The following THRB variants were observed in gnomAD, a reference collection of about 807,000 sequenced individuals.
THRB encodes thyroid hormone receptor beta.
THRB carries 12 observed loss-of-function variants against 47.8 expected under a neutral mutation model. The observed-to-expected ratio is 0.25, with a 90% CI of 0.16 to 0.41. The LOEUF is 0.41. Among genes scored for constraint, THRB ranks in the 10% least tolerant of loss-of-function variants. The pLI is 1.00. For synonymous variants in THRB, 218 were observed against 212.2 expected, an observed-to-expected ratio of 1.03 and a Z score of -0.24; for missense variants, 348 against 589.2, an observed-to-expected ratio of 0.59 and a Z score of 4.24.
chr3:24,229,817 A>G (rs2048067457), intron 3 of THRB, among the ~76,000 whole-genome samples: 1 of 152,196 alleles, frequency 6.6e-6, no homozygotes, highest in Non-Finnish European at 1.5e-5. Flanking sequence ...GGCCAGTGGT[A>G]GATGGTGGTA....
intron 1 of THRB, among the ~76,000 whole-genome samples, chr3:24,351,775 C>G (rs1436130249): frequency 6.6e-6 from 1 of 152,172 alleles, no homozygotes; most frequent in African/African-American, 2.4e-5. Flanking sequence ...ACAGACACTT[C>G]CTGTCCCACC....
intron 4 of THRB, among the ~76,000 whole-genome samples, chr3:24,222,532 A>T (rs1042191499): frequency 9.2e-5 from 14 of 152,130 alleles, no homozygotes; most frequent in African/African-American, 2.9e-4. Context: ...GAGGGAGAAG[A>T]GGATGTGAGG....
chr3:24,253,349 C>T (rs1462797109), intron 3 of THRB, among the ~76,000 whole-genome samples: 3 of 152,168 alleles, frequency 2.0e-5, no homozygotes, highest in African/African-American at 4.8e-5. Flanking sequence ...AGATAGGCAT[C>T]AAGTGCCAGC....
chr3:24,229,406 A>G (rs1195556729), intron 3 of THRB, among the ~76,000 whole-genome samples: 2 of 152,188 alleles, frequency 1.3e-5, no homozygotes, highest in Non-Finnish European at 2.9e-5. Flanking sequence ...CTTGTGAGAA[A>G]TAGAAAATTT....
intron 1 of THRB, among the ~76,000 whole-genome samples, chr3:24,351,098 T>G (rs1044756426): frequency 6.6e-6 from 1 of 152,082 alleles, no homozygotes; most frequent in African/African-American, 2.4e-5. Flanking sequence ...TAGCAGAAAT[T>G]TTTTTCTTGT....
chr3:24,352,194 C>G (rs1205478671), intron 1 of THRB, among the ~76,000 whole-genome samples: 1 of 152,166 alleles, frequency 6.6e-6, no homozygotes, highest in Non-Finnish European at 1.5e-5. Flanking sequence ...CTTTCTAACA[C>G]AGGAACAAAT....
chr3:24,354,184 T>C (rs943845480), intron 1 of THRB, among the ~76,000 whole-genome samples: 1 of 152,096 alleles, frequency 6.6e-6, no homozygotes, highest in Non-Finnish European at 1.5e-5. Flanking sequence ...TGAAAATACA[T>C]GGACACATAA....
chr3:24,368,699 C>T (rs2064675203), intron 1 of THRB, among the ~76,000 whole-genome samples: 1 of 152,186 alleles, frequency 6.6e-6, no homozygotes, highest in African/African-American at 2.4e-5. Context: ...CAACACACTG[C>T]TGATGCTTAC....
At chr3:24,186,944 CAAAAA>C (rs71057655) in intron 5 of THRB, among the ~76,000 whole-genome samples, 11 of 77,514 alleles carry the variant, frequency 1.4e-4, no homozygotes, top group African/African-American at 5.2e-4. Flanking sequence ...GACTCCATTT[CAAAAA>C]AAAAAAAAAA....
chr3:24,321,096 C>A (rs2058454279), intron 2 of THRB, among the ~76,000 whole-genome samples: 1 of 152,176 alleles, frequency 6.6e-6, no homozygotes. Context: ...AAAAGTATTT[C>A]TTTAGAATTA....
chr3:24,377,771 A>ACCTT (rs2149811176), intron 1 of THRB, among the ~76,000 whole-genome samples: 1 of 152,094 alleles, frequency 6.6e-6, no homozygotes, highest in South Asian at 2.1e-4. Flanking sequence ...CCAATCTCTT[A>ACCTT]CCTTCCCTCC....
chr3:24,405,459 T>C (rs777102368), intron 1 of THRB, among the ~76,000 whole-genome samples: 16 of 151,934 alleles, frequency 1.1e-4, no homozygotes, highest in Non-Finnish European at 2.1e-4. Flanking sequence ...CAGAAAAAGT[T>C]TGTGGGCCTT....
intron 5 of THRB, among the ~76,000 whole-genome samples, chr3:24,186,326 A>G (rs2042567062): frequency 6.6e-6 from 1 of 151,954 alleles, no homozygotes; most frequent in Non-Finnish European, 1.5e-5. Flanking sequence ...ATATCGTCTC[A>G]GACTGGGAAG....
chr3:24,295,352 T>C (rs4432577), intron 3 of THRB, among the ~76,000 whole-genome samples: 2 of 152,216 alleles, frequency 1.3e-5, no homozygotes, highest in African/African-American at 4.8e-5. Context: ...TACACAATAA[T>C]ACAGTATAGG....
At chr3:24,479,428 C>T (rs1249165668) in intron 1 of THRB, among the ~76,000 whole-genome samples, 4 of 152,226 alleles carry the variant, frequency 2.6e-5, no homozygotes, top group East Asian at 1.9e-4. Context: ...AGAAACCTTG[C>T]TCCAGGGGAA....
At chr3:24,441,885 C>T (rs2071563703) in intron 1 of THRB, among the ~76,000 whole-genome samples, 1 of 151,678 alleles carries the variant, frequency 6.6e-6, no homozygotes, top group Non-Finnish European at 1.5e-5. Context: ...AAGTTGCTGG[C>T]TCCCCCAAGA....
intron 1 of THRB, among the ~76,000 whole-genome samples, chr3:24,464,416 G>A (rs2073970169): frequency 6.6e-6 from 1 of 152,018 alleles, no homozygotes; most frequent in African/African-American, 2.4e-5. Flanking sequence ...ATTTTATTTT[G>A]TCTAATATGA....
At chr3:24,207,809 C>G (rs1443320559) in intron 4 of THRB, among the ~76,000 whole-genome samples, 1 of 152,174 alleles carries the variant, frequency 6.6e-6, no homozygotes, top group Non-Finnish European at 1.5e-5. Flanking sequence ...CCTCTCTCAC[C>G]ACTCCTATTC....
At chr3:24,188,906 C>A (rs1315856178) in intron 5 of THRB, among the ~76,000 whole-genome samples, 1 of 100,724 alleles carries the variant, frequency 9.9e-6, no homozygotes, top group African/African-American at 5.4e-5. Flanking sequence ...AGTCCAAATA[C>A]AAACCTTTCC....
Sources: allele counts gnomAD v4.1 joint callset (sites outside exome capture counted in the v4.1 genomes callset), GRCh38; gene constraint gnomAD v4.1.1; transcripts MANE v1.5; gene names NCBI Gene and HGNC (gene_info 2026-07-23, HGNC 2026-07-21).